The following TMEM132C variants were observed in gnomAD, a reference collection of about 807,000 sequenced individuals.
TMEM132C encodes the protein transmembrane protein 132C.
Under a neutral mutation model 61.4 loss-of-function variants are expected in TMEM132C, and 29 were observed. The ratio of observed to expected loss-of-function variants is 0.47; its 90% confidence interval spans 0.35 to 0.64. The LOEUF (loss-of-function observed/expected upper bound fraction) is 0.64, where lower values mean the gene tolerates loss of function less well. TMEM132C is among the 30% of genes least tolerant of loss of function. TMEM132C has a pLI of 0.00. For missense variants in TMEM132C, 1,408 were observed against 1,476.9 expected, an observed-to-expected ratio of 0.95 and a Z score of 0.76; for synonymous variants, 656 against 633.1, an observed-to-expected ratio of 1.04 and a Z score of -0.54.
At chr12:128,358,913 C>T (rs1479797724) in intron 1 of TMEM132C, among the ~76,000 whole-genome samples, 6 of 152,116 alleles carry the variant, frequency 3.9e-5, no homozygotes, top group African/African-American at 1.2e-4. Context: ...ACCCTGGTAC[C>T]AGTCACACAA....
chr12:128,489,699 C>A (rs1004414068), intron 2 of TMEM132C, among the ~76,000 whole-genome samples: 12 of 151,736 alleles, frequency 7.9e-5, no homozygotes, highest in Admixed American at 7.9e-4. Context: ...TATATATATA[C>A]ATGTGGGAAT....
At chr12:128,345,648 AT>A (rs1444659957) in intron 1 of TMEM132C, among the ~76,000 whole-genome samples, 1 of 152,026 alleles carries the variant, frequency 6.6e-6, no homozygotes, top group Non-Finnish European at 1.5e-5. Flanking sequence ...TTTGAATTAC[AT>A]TTTTCTAATG....
rs61938640 is a variant in TMEM132C, at chr12:128,593,181, C to T, written c.1122-22971C>T. 4.4e-3 allele frequency among the ~76,000 whole-genome samples: 620 copies of T among 139,946 alleles called. 4 individuals are homozygous for T. The highest frequency in any genetic ancestry group is 9.6e-3 in the Middle Eastern group (2 of 208). 91.8% of individuals were successfully genotyped at this position (139,946 alleles called of 152,430 possible). On this transcript the variant is annotated intron_variant, in intron 3 of 8. Transcript: ENST00000435159. ...CTCCTTCCCTCTCTTTCTCTCTCTT[C>T]CCCTCTCTCACCTTCCTTCTTTCTT... is the stretch of plus-strand genomic sequence containing the variant.
At chr12:128,279,297 T>C (rs1019319661) in intron 1 of TMEM132C, among the ~76,000 whole-genome samples, 1 of 152,208 alleles carries the variant, frequency 6.6e-6, no homozygotes, top group Non-Finnish European at 1.5e-5. Context: ...TTATTATTAT[T>C]AAATCACTGC....
intron 2 of TMEM132C, among the ~76,000 whole-genome samples, chr12:128,482,172 TTCTG>T (rs1489416027): frequency 2.0e-5 from 3 of 152,216 alleles, no homozygotes; most frequent in Non-Finnish European, 4.4e-5. Context: ...TTGTCGTTGG[TTCTG>T]TCTGTGTGAT....
intron 2 of TMEM132C, among the ~76,000 whole-genome samples, chr12:128,426,672 A>C (rs918225277): frequency 2.6e-5 from 4 of 152,138 alleles, no homozygotes; most frequent in African/African-American, 9.7e-5. Context: ...GAAGTAAAGA[A>C]ATAATGTTTC....
At chr12:128,409,121 G>A (rs953119561) in intron 1 of TMEM132C, among the ~76,000 whole-genome samples, 8 of 152,146 alleles carry the variant, frequency 5.3e-5, no homozygotes, top group African/African-American at 1.2e-4. Context: ...TAGCAATTGC[G>A]GCAGTTGAAG....
At chr12:128,636,556 G>GTT (rs1280547702) in intron 4 of TMEM132C, among the ~76,000 whole-genome samples, 5 of 121,168 alleles carry the variant, frequency 4.1e-5, no homozygotes, top group Admixed American at 9.8e-5. Flanking sequence ...TGTTTTTTGG[G>GTT]TTTTTGTTTG....
intron 3 of TMEM132C, among the ~76,000 whole-genome samples, chr12:128,549,092 A>G (rs1275002069): frequency 6.6e-6 from 1 of 152,040 alleles, no homozygotes; most frequent in Non-Finnish European, 1.5e-5. Flanking sequence ...TGCTAAGGGG[A>G]AGCTCAGGCG....
intron 3 of TMEM132C, among the ~76,000 whole-genome samples, chr12:128,548,972 G>A (rs1479483868): frequency 6.6e-6 from 1 of 152,194 alleles, no homozygotes; most frequent in Non-Finnish European, 1.5e-5. Flanking sequence ...ATCCATGGAT[G>A]TTGTCATCTG....
At chr12:128,403,337 T>C (rs1875233446) in intron 1 of TMEM132C, among the ~76,000 whole-genome samples, 2 of 152,152 alleles carry the variant, frequency 1.3e-5, no homozygotes, top group Admixed American at 1.3e-4. Context: ...GCAAGTCCTG[T>C]TTTGCAGGTG....
chr12:128,575,024 C>T (rs776296632), intron 3 of TMEM132C, among the ~76,000 whole-genome samples: 9 of 152,196 alleles, frequency 5.9e-5, no homozygotes, highest in South Asian at 4.1e-4. Context: ...CTGTGCCTCC[C>T]GCTATATGCA....
At chr12:128,571,911 T>G (rs1159810684) in intron 3 of TMEM132C, among the ~76,000 whole-genome samples, 2 of 152,242 alleles carry the variant, frequency 1.3e-5, no homozygotes, top group East Asian at 3.8e-4. Context: ...GAAAAAGCCA[T>G]GACTGCTCCT....
chr12:128,573,902 A>AG (rs1286741679), intron 3 of TMEM132C, among the ~76,000 whole-genome samples: 2 of 151,702 alleles, frequency 1.3e-5, no homozygotes, highest in African/African-American at 4.8e-5. Context: ...TGCAATCAAA[A>AG]AAAAAAAAAA....
At chr12:128,601,088 A>C (rs1309668580) in intron 3 of TMEM132C, among the ~76,000 whole-genome samples, 3 of 152,206 alleles carry the variant, frequency 2.0e-5, no homozygotes, top group Non-Finnish European at 2.9e-5. Context: ...GATATTTTGA[A>C]AATGCAAAGT....
intron 2 of TMEM132C, among the ~76,000 whole-genome samples, chr12:128,520,218 T>C (rs1432733344): frequency 2.0e-5 from 3 of 152,210 alleles, no homozygotes; most frequent in African/African-American, 7.2e-5. Flanking sequence ...CTCAGAGCCC[T>C]CGCTCAGCAG....
intron 2 of TMEM132C, among the ~76,000 whole-genome samples, chr12:128,465,201 C>CTT (rs776251493): frequency 2.9e-5 from 4 of 140,332 alleles, no homozygotes; most frequent in Non-Finnish European, 3.1e-5. Flanking sequence ...TTCTTCATTT[C>CTT]TTTTTTTTTT....
At position 128,374,675 on chromosome 12, in the gene TMEM132C, G is replaced by A. The variant is rs571851232; in HGVS notation, c.86-40057G>A. Among the ~76,000 whole-genome samples the A allele has an allele frequency of 1.2e-3, 179 of 152,024 alleles. 1 individual carries two copies. Among genetic ancestry groups the A allele is most frequent in the Non-Finnish European group, 1.8e-3 (123 of 67,976 alleles). On this transcript the variant is annotated intron_variant, in intron 1 of 8. Transcript: ENST00000435159. ...CTGGCCAGGAGGGTAAGACACACAG[G>A]AGCCCAAGACAAATGACCATACAAC... is the stretch of plus-strand genomic sequence containing the variant.
chr12:128,297,073 T>C (rs920993616), intron 1 of TMEM132C, among the ~76,000 whole-genome samples: 3 of 152,028 alleles, frequency 2.0e-5, no homozygotes, highest in African/African-American at 4.8e-5. Flanking sequence ...AATTGCAAAG[T>C]GCATATGTAA....
Sources: allele counts gnomAD v4.1 joint callset (sites outside exome capture counted in the v4.1 genomes callset), GRCh38; gene constraint gnomAD v4.1.1; transcripts MANE v1.5; gene names NCBI Gene and HGNC (gene_info 2026-07-23, HGNC 2026-07-21).